Variants in RFC5 observed in about 807,000 individuals in gnomAD.
RFC5 encodes the protein A1 36 kDa subunit.
Under a neutral mutation model 44.3 loss-of-function variants are expected in RFC5, and 26 were observed. The observed-to-expected ratio is 0.59, with a 90% CI of 0.43 to 0.81. The LOEUF is 0.81. Among genes scored for constraint, RFC5 ranks in the 40% least tolerant of loss-of-function variants. The pLI, the probability that RFC5 is intolerant of heterozygous loss-of-function variation, is 0.00. For synonymous variants in RFC5, 155 were observed against 155.2 expected, an observed-to-expected ratio of 1.00 and a Z score of 0.01; for missense variants, 328 against 418.6, an observed-to-expected ratio of 0.78 and a Z score of 1.89.
intron 6 of RFC5, 186 bp downstream of exon 6, chr12:118,025,196 A>C: frequency 2.0e-6 from 1 of 490,500 alleles, no homozygotes; most frequent in Non-Finnish European, 3.6e-6. Flanking sequence ...ATTCCTCATA[A>C]AAGTCATTTG....
At chr12:118,040,713 T>A in the RFC5 span, among the ~76,000 whole-genome samples, 1 of 150,690 alleles carries the variant, frequency 6.6e-6, no homozygotes, top group Non-Finnish European at 1.5e-5. Context: ...GCAGCACATC[T>A]TAGACTGTGG....
intron 1 of RFC5, chr12:118,017,747 T>G (rs548690510): frequency 4.2e-5 from 28 of 666,628 alleles, no homozygotes; most frequent in East Asian, 3.9e-4. Context: ...CACAGCTCAG[T>G]GTAACCTCAA....
the RFC5 span, chr12:118,038,488 C>G: frequency 1.9e-6 from 2 of 1,031,130 alleles, no homozygotes; most frequent in African/African-American, 1.6e-5. Flanking sequence ...GCCCAGTATA[C>G]CCATCAGCTC....
Position 118,028,642 on chromosome 12 carries a change from TA to T in RFC5, c.871+627del, listed in dbSNP as rs774341657. 3.2e-3 allele frequency among the ~76,000 whole-genome samples: 434 copies of T among 135,788 alleles called. 1 individual carries two copies. Among genetic ancestry groups the T allele is most frequent in the Middle Eastern group, 7.4e-3 (2 of 270 alleles). 89.1% of individuals were successfully genotyped at this position (135,788 alleles called of 152,430 possible). A position where few individuals can be genotyped will look rare whatever the true frequency, so the allele number is the denominator to read the frequency against. ...AGTAGTATATATTAATTCACATTTC[TA>T]AAAAAAAAAAAAAAGTCTGTCTATC... is the stretch of plus-strand genomic sequence containing the variant. On this transcript the variant is annotated intron_variant, in intron 9 of 10. Transcript: ENST00000454402.
At position 118,032,102 on chromosome 12, in the gene RFC5, C is replaced by T. The variant is rs752760752; in HGVS notation, c.*824C>T. 1 of 152,166 alleles carries T rather than the reference C, an allele frequency of 6.6e-6. No individual in the cohort carries two copies. The highest frequency in any genetic ancestry group is 1.5e-5 in the Non-Finnish European group (1 of 68,018). 9.4% of individuals were successfully genotyped at this position (152,166 alleles called of 1,614,324 possible). A position where few individuals can be genotyped will look rare whatever the true frequency, so the allele number is the denominator to read the frequency against. On this transcript the variant is annotated 3_prime_UTR_variant, in exon 11 of 11. Transcript: ENST00000454402. ...TTTATAATAAAAAACAAAGCAGCCT[C>T]CTGGCTGGCTGTGTTACAAGTGACT...
intron 4 of RFC5, 67 bp from the exon 5 acceptor site, chr12:118,022,219 T>G: frequency 1.6e-6 from 2 of 1,270,456 alleles, no homozygotes; most frequent in Non-Finnish European, 2.3e-6. Flanking sequence ...TGGGAAGATA[T>G]AGGTTTGAGC....
chr12:118,024,053 T>G (rs2030743644), intron 5 of RFC5, among the ~76,000 whole-genome samples: 1 of 151,694 alleles, frequency 6.6e-6, no homozygotes, highest in Non-Finnish European at 1.5e-5. Flanking sequence ...CCATCTCTAC[T>G]AAAAATACAA....
chr12:118,027,095 A>G, intron 8 of RFC5, 77 bp downstream of exon 8: 1 of 1,448,798 alleles, frequency 6.9e-7, no homozygotes, highest in African/African-American at 1.4e-5. Context: ...CAGCACCCAC[A>G]CCTTGCTGGC....
chr12:118,040,980 C>T, the RFC5 span, among the ~76,000 whole-genome samples: 2 of 152,190 alleles, frequency 1.3e-5, no homozygotes, highest in Non-Finnish European at 2.9e-5. Flanking sequence ...ACCTGGGAGG[C>T]GGAGGTTGCA....
At chr12:118,038,085 AC>A, downstream of RFC5, 1 of 445,434 alleles carries the variant, frequency 2.2e-6, no homozygotes, top group Non-Finnish European at 4.0e-6. Flanking sequence ...GACAGGAGCA[AC>A]CTGTTTCCAA....
At chr12:118,024,627 G>T (rs2137717513) in intron 5 of RFC5, among the ~76,000 whole-genome samples, 1 of 151,884 alleles carries the variant, frequency 6.6e-6, no homozygotes, top group East Asian at 2.0e-4. Context: ...TGCCATGTTG[G>T]CCAAACCTCC....
At chr12:118,024,801 A>G in intron 5 of RFC5, 50 bp from the exon 6 acceptor site, 1 of 1,533,580 alleles carries the variant, frequency 6.5e-7, no homozygotes, top group Non-Finnish European at 8.8e-7. Context: ...GGGCTCTCTG[A>G]AAAATCAGAA....
In RFC5 at chr12:118,024,138, G is replaced by A. The variant is rs1041330556; in HGVS notation, c.422-713G>A. Among the ~76,000 whole-genome samples, 4 of 151,994 alleles carry A rather than the reference G, an allele frequency of 2.6e-5. No individual in the cohort carries two copies. The South Asian group carries it at 6.2e-4, about 24-fold the overall frequency. ...GGGCGAATCATGAGGTCAGGAGATC[G>A]AGACCATCCTGGCTAACATGGTGAA... On this transcript the variant is annotated intron_variant, in intron 5 of 10. Transcript: ENST00000454402.
At chr12:118,034,929 C>T (rs543224378), downstream of RFC5, 13 of 1,522,494 alleles carry the variant, frequency 8.5e-6, no homozygotes, top group African/African-American at 1.7e-4. Flanking sequence ...CCTTAAAAAG[C>T]TCCATGGTAT....
intron 9 of RFC5, 44 bp downstream of exon 9, chr12:118,028,074 G>A (rs2031074061): frequency 1.6e-6 from 2 of 1,267,396 alleles, no homozygotes; most frequent in Non-Finnish European, 1.2e-6. Context: ...GGAGAAGGTA[G>A]CCTGCTTTGG....
chr12:118,038,255 C>A, the RFC5 span: 1 of 1,593,756 alleles, frequency 6.3e-7, no homozygotes, highest in Non-Finnish European at 8.6e-7. Context: ...CTCCATGTCT[C>A]AGTGAATTAA....
At chr12:118,020,815 G>A in intron 3 of RFC5, 91 bp from the exon 4 acceptor site, 1 of 763,054 alleles carries the variant, frequency 1.3e-6, no homozygotes, top group Admixed American at 2.0e-5. Context: ...AGCCTGCTGA[G>A]CTGGACTGAT....
downstream of RFC5, among the ~76,000 whole-genome samples, chr12:118,037,654 G>A (rs1332154219): frequency 6.8e-6 from 1 of 146,666 alleles, no homozygotes; most frequent in Non-Finnish European, 1.5e-5. Flanking sequence ...GGCAACAACA[G>A]CGAAACTCTG....
downstream of RFC5, chr12:118,036,261 AAG>A (rs1265168847): frequency 3.1e-5 from 47 of 1,493,308 alleles, no homozygotes; most frequent in Non-Finnish European, 3.7e-5. Context: ...CAGATTCTAA[AAG>A]AGACATGTCT....
Sources: gnomAD v4.1 joint callset for allele counts (sites outside exome capture counted in the v4.1 genomes callset) on GRCh38, gnomAD v4.1.1 for gene constraint, MANE v1.5 for transcripts, NCBI Gene and HGNC (gene_info 2026-07-23, HGNC 2026-07-21) for gene names.